The following SLC24A3 variants were observed in gnomAD, a reference collection of about 807,000 sequenced individuals.
SLC24A3 encodes the protein sodium/potassium/calcium exchanger 3.
SLC24A3 carries 28 observed loss-of-function variants against 75.8 expected under a neutral mutation model. The ratio of observed to expected loss-of-function variants is 0.37; its 90% CI spans 0.27 to 0.51. The LOEUF (loss-of-function observed/expected upper bound fraction) is 0.51, where lower values mean the gene tolerates loss of function less well. Among genes scored for constraint, SLC24A3 ranks in the 20% least tolerant of loss-of-function variants. The probability of loss-of-function intolerance (pLI) is 0.94; values close to 1 mark genes in which losing one functional copy is unlikely to be tolerated. For missense variants in SLC24A3, 663 were observed against 847.8 expected, an observed-to-expected ratio of 0.78 and a Z score of 2.71; for synonymous variants, 372 against 334.1, an observed-to-expected ratio of 1.11 and a Z score of -1.24.
At chr20:19,238,766 G>C (rs1342198647) in intron 1 of SLC24A3, among the ~76,000 whole-genome samples, 1 of 152,152 alleles carries the variant, frequency 6.6e-6, no homozygotes, top group Non-Finnish European at 1.5e-5. Context: ...AGCATGCAAA[G>C]GGGATGGCCA....
chr20:19,371,598 A>AC (rs1985993675), intron 2 of SLC24A3, among the ~76,000 whole-genome samples: 1 of 151,794 alleles, frequency 6.6e-6, no homozygotes. Flanking sequence ...AAACCCCACC[A>AC]CCCCCTACAT....
intron 6 of SLC24A3, among the ~76,000 whole-genome samples, chr20:19,634,297 G>A (rs577516715): frequency 4.6e-5 from 7 of 152,172 alleles, no homozygotes; most frequent in South Asian, 4.1e-4. Flanking sequence ...TGATTAGCTC[G>A]TTCTCTCCCA....
intron 6 of SLC24A3, among the ~76,000 whole-genome samples, chr20:19,625,034 T>C (rs1022453887): frequency 1.3e-5 from 2 of 152,170 alleles, no homozygotes; most frequent in Non-Finnish European, 2.9e-5. Context: ...CCTCACATTC[T>C]CCAGCAGGCT....
chr20:19,262,278 G>A lies in SLC24A3; in HGVS notation c.143-18681G>A, dbSNP rs896882659. 7.0e-4 allele frequency among the ~76,000 whole-genome samples: 106 copies of A among 151,550 alleles called. No homozygotes were observed. The East Asian group carries it at 0.018, about 26-fold the overall frequency. On this transcript the variant is annotated intron_variant, in intron 1 of 16. Coordinates refer to ENST00000328041, the MANE Select transcript of SLC24A3 (RefSeq NM_020689.4). ...AAATTAGCCGGGCGTGGTGGCGGGCGCCTGTAGTCCCAGCTACGCGGGAGG... is the reference window on the plus strand; with the variant it reads ...AAATTAGCCGGGCGTGGTGGCGGGCACCTGTAGTCCCAGCTACGCGGGAGG...
At chr20:19,679,983 G>A (rs2032591792) in intron 9 of SLC24A3, among the ~76,000 whole-genome samples, 1 of 151,340 alleles carries the variant, frequency 6.6e-6, no homozygotes, top group African/African-American at 2.4e-5. Context: ...GGCACAGTCT[G>A]TTCCCTTGGC....
rs748005995 is a variant in SLC24A3, at chr20:19,515,522, C to T, written c.306C>T (p.Asn102=). The part of the protein sequence containing the change: ...LHEFPNDIFT[N]EDRRQGAVVL... ...AATTCCCCAATGACATCTTCACAAA[C>T]GAGGATAGAAGACAAGGTGCGGTGG... The change falls in exon 3 of 17, where the codon AAC becomes AAT. Residue 102 remains asparagine, a synonymous_variant. Coordinates refer to ENST00000328041, the MANE Select transcript of SLC24A3 (RefSeq NM_020689.4). 16 of 1,614,170 alleles carry T rather than the reference C, an allele frequency of 9.9e-6. No homozygotes were observed. Among genetic ancestry groups the T allele is most frequent in the African/African-American group, 5.3e-5 (4 of 75,060 alleles).
chr20:19,523,031 G>A (rs540395610), intron 3 of SLC24A3, among the ~76,000 whole-genome samples: 63 of 152,198 alleles, frequency 4.1e-4, no homozygotes, highest in African/African-American at 1.5e-3. Context: ...TCTTGTATGT[G>A]GAAAACCCAA....
intron 2 of SLC24A3, among the ~76,000 whole-genome samples, chr20:19,460,862 G>A (rs1165682351): frequency 6.6e-6 from 1 of 152,204 alleles, no homozygotes; most frequent in East Asian, 1.9e-4. Flanking sequence ...GAAAAGAGCT[G>A]TTAGCCAACA....
intron 1 of SLC24A3, among the ~76,000 whole-genome samples, chr20:19,268,216 C>A (rs1983223206): frequency 6.6e-6 from 1 of 152,182 alleles, no homozygotes; most frequent in Admixed American, 6.5e-5. Context: ...GCAACAGGTG[C>A]ACTTCTATTA....
intron 3 of SLC24A3, among the ~76,000 whole-genome samples, chr20:19,546,176 A>AAAAAACAAAC (rs2030590288): frequency 6.7e-6 from 1 of 149,674 alleles, no homozygotes; most frequent in Non-Finnish European, 1.5e-5. Context: ...AAAAAAAAAA[A>AAAAAACAAAC]AAAAAAAAAA....
chr20:19,603,277 C>T (rs536976502), intron 6 of SLC24A3, among the ~76,000 whole-genome samples: 1 of 152,274 alleles, frequency 6.6e-6, no homozygotes, highest in South Asian at 2.1e-4. Context: ...CAGCATCTGC[C>T]CGCTGAACAG....
chr20:19,530,361 CTCTT>C (rs2030274386), intron 3 of SLC24A3, among the ~76,000 whole-genome samples: 2 of 152,200 alleles, frequency 1.3e-5, no homozygotes. Context: ...GGGCCTCTCT[CTCTT>C]TGTCTTTTGG....
chr20:19,686,384 C>A (rs918530903), intron 12 of SLC24A3, among the ~76,000 whole-genome samples: 1 of 152,182 alleles, frequency 6.6e-6, no homozygotes, highest in Non-Finnish European at 1.5e-5. Flanking sequence ...AACTGTTTCA[C>A]CCCACCCCAC....
intron 2 of SLC24A3, among the ~76,000 whole-genome samples, chr20:19,405,801 G>A (rs6046061): frequency 4.5e-4 from 69 of 152,296 alleles, no homozygotes; most frequent in African/African-American, 1.6e-3. Context: ...TGGGCTTATG[G>A]TCACACACTG....
At chr20:19,644,504 TG>T (rs2032112685) in intron 6 of SLC24A3, among the ~76,000 whole-genome samples, 1 of 152,166 alleles carries the variant, frequency 6.6e-6, no homozygotes, top group African/African-American at 2.4e-5. Context: ...CACTTAGCTG[TG>T]GGGAGATTGT....
intron 10 of SLC24A3, among the ~76,000 whole-genome samples, chr20:19,683,359 G>A (rs2032636585): frequency 6.6e-6 from 1 of 152,324 alleles, no homozygotes; most frequent in Non-Finnish European, 1.5e-5. Flanking sequence ...ACAAGAGGCT[G>A]CAGCCAAGTA....
intron 2 of SLC24A3, among the ~76,000 whole-genome samples, chr20:19,494,481 T>C (rs1988253020): frequency 6.6e-6 from 1 of 152,172 alleles, no homozygotes; most frequent in Non-Finnish European, 1.5e-5. Context: ...CTTATTAAAA[T>C]ATAAAACCCT....
intron 2 of SLC24A3, among the ~76,000 whole-genome samples, chr20:19,461,462 A>G (rs1987670986): frequency 6.6e-6 from 1 of 151,908 alleles, no homozygotes; most frequent in Admixed American, 6.6e-5. Context: ...TCTGTATATA[A>G]TATGCATGCA....
chr20:19,512,939 A>C (rs916628266), intron 2 of SLC24A3, among the ~76,000 whole-genome samples: 2 of 152,190 alleles, frequency 1.3e-5, no homozygotes, highest in Non-Finnish European at 2.9e-5. Context: ...CCCAGGGCAT[A>C]TGACTGGCTT....
Sources: allele counts gnomAD v4.1 joint callset (sites outside exome capture counted in the v4.1 genomes callset), GRCh38; gene constraint gnomAD v4.1.1; transcripts MANE v1.5; gene names NCBI Gene and HGNC (gene_info 2026-07-23, HGNC 2026-07-21).